KANK1: variants seen among roughly 807,000 people sequenced by gnomAD.
The protein encoded by KANK1 is KN motif and ankyrin repeat domains 1.
In KANK1, 109 loss-of-function variants were observed where a neutral mutation model predicts 106.2. The ratio of observed to expected loss-of-function variants is 1.03; its 90% confidence interval spans 0.88 to 1.20. The LOEUF (loss-of-function observed/expected upper bound fraction) is 1.20. Ranked by LOEUF, KANK1 falls within the 50% of genes most tolerant of loss-of-function variation. The pLI, the probability that KANK1 is intolerant of heterozygous loss-of-function variation, is 0.00. For missense variants in KANK1, 2,399 were observed against 1,710.7 expected (o/e 1.40, Z -7.10); for synonymous variants, 873 against 652.2 (o/e 1.34, Z -5.16).
At chr9:582,719 G>A (rs1369464044) in intron 1 of KANK1, among the ~76,000 whole-genome samples, 1 of 152,178 alleles carries the variant, frequency 6.6e-6, no homozygotes, top group African/African-American at 2.4e-5. Flanking sequence ...AAAATATGCT[G>A]TCTTGAGTAA....
In KANK1 at chr9:577,738, GCCCAGGA is replaced by G. The variant is rs1338868044; in HGVS notation, c.-84+72985_-84+72991del. 5.3e-5 allele frequency among the ~76,000 whole-genome samples: 8 copies of G among 152,300 alleles called. No individual in the cohort carries two copies. In the East Asian group the frequency reaches 1.3e-3, roughly 26 times the overall value. ...TTGAATCAGAAATTCTGAGGGTAGG[GCCCAGGA>G]ATTTATGTTTCAACAAGTCTTGCAG... On this transcript the variant is annotated intron_variant, in intron 1 of 11. Transcript: ENST00000382297.
chr9:529,930 C>A (rs1375790978), intron 1 of KANK1, among the ~76,000 whole-genome samples: 1 of 152,170 alleles, frequency 6.6e-6, no homozygotes, highest in Non-Finnish European at 1.5e-5. Flanking sequence ...TTCTTTATAT[C>A]GTTGCCAGTA....
intron 1 of KANK1, among the ~76,000 whole-genome samples, chr9:504,972 C>G (rs1343649249): frequency 6.6e-6 from 1 of 150,800 alleles, no homozygotes; most frequent in Admixed American, 6.6e-5. Flanking sequence ...GGGGGGGGTC[C>G]GAGAGGTGGC....
chr9:669,465 A>T (rs1313797993), intron 1 of KANK1, among the ~76,000 whole-genome samples: 1 of 152,114 alleles, frequency 6.6e-6, no homozygotes, highest in African/African-American at 2.4e-5. Flanking sequence ...TACTTGAAGG[A>T]TATTTCTGCT....
intron 3 of KANK1, among the ~76,000 whole-genome samples, chr9:483,194 A>G (rs933066128): frequency 2.7e-4 from 41 of 152,182 alleles, no homozygotes; most frequent in African/African-American, 9.7e-4. Flanking sequence ...AACATAGTAT[A>G]TAGAGGGTTC....
At chr9:691,611 AT>A (rs767618077) in intron 2 of KANK1, among the ~76,000 whole-genome samples, 3,116 of 71,062 alleles carry the variant, frequency 0.044, 106 homozygotes, top group African/African-American at 0.13. Context: ...TAATACCAGA[AT>A]TTTTTTTTTT....
At chr9:722,104 C>G (rs1829488709) in intron 3 of KANK1, among the ~76,000 whole-genome samples, 1 of 152,202 alleles carries the variant, frequency 6.6e-6, no homozygotes, top group Admixed American at 6.5e-5. Flanking sequence ...TTGTTCATTC[C>G]TAGGCACAGG....
chr9:528,713 C>T (rs1385967120), intron 1 of KANK1, among the ~76,000 whole-genome samples: 18 of 152,090 alleles, frequency 1.2e-4, no homozygotes, highest in Admixed American at 1.2e-3. Flanking sequence ...GTCTCAAACT[C>T]CTGACCTCAG....
chr9:609,761 A>G (rs1830150544), intron 1 of KANK1, among the ~76,000 whole-genome samples: 2 of 152,330 alleles, frequency 1.3e-5, no homozygotes, highest in Non-Finnish European at 2.9e-5. Flanking sequence ...AAGGAGAAGT[A>G]TCTTAATTTG....
At chr9:689,200 G>A (rs190863010) in intron 2 of KANK1, among the ~76,000 whole-genome samples, 2 of 152,312 alleles carry the variant, frequency 1.3e-5, no homozygotes, top group Admixed American at 6.5e-5. Flanking sequence ...GGGCAATCCA[G>A]ACTGTGAAGA....
chr9:477,875 C>A (rs745829288), intron 3 of KANK1: 3 of 152,682 alleles, frequency 2.0e-5, no homozygotes, highest in Non-Finnish European at 4.4e-5. Flanking sequence ...AAGTTCAACC[C>A]CAATGAGATC....
chr9:529,938 G>C (rs1422693739), intron 1 of KANK1, among the ~76,000 whole-genome samples: 1 of 152,214 alleles, frequency 6.6e-6, no homozygotes, highest in East Asian at 1.9e-4. Context: ...ATCGTTGCCA[G>C]TACAGTATGT....
chr9:568,959 G>C (rs1563784238), intron 1 of KANK1, among the ~76,000 whole-genome samples: 1 of 152,162 alleles, frequency 6.6e-6, no homozygotes, highest in Non-Finnish European at 1.5e-5. Flanking sequence ...GTATATTTGA[G>C]TATGTAGCTC....
intron 3 of KANK1, among the ~76,000 whole-genome samples, chr9:477,431 A>T (rs2058125106): frequency 6.6e-6 from 1 of 152,232 alleles, no homozygotes; most frequent in Non-Finnish European, 1.5e-5. Context: ...CCATTAAAAT[A>T]CCAAGGGTCA....
intron 2 of KANK1, among the ~76,000 whole-genome samples, chr9:678,066 A>T (rs753308997): frequency 1.3e-5 from 2 of 152,188 alleles, no homozygotes; most frequent in African/African-American, 4.8e-5. Flanking sequence ...GTGACTTTTT[A>T]TTCTAGCGGT....
intron 7 of KANK1, chr9:735,762 T>C: frequency 2.3e-6 from 1 of 436,090 alleles, no homozygotes; most frequent in Non-Finnish European, 4.7e-6. Context: ...GGGAGGCCGA[T>C]GCAGGTGGAT....
At chr9:556,892 G>T (rs1323008854) in intron 1 of KANK1, among the ~76,000 whole-genome samples, 1 of 152,188 alleles carries the variant, frequency 6.6e-6, no homozygotes, top group Non-Finnish European at 1.5e-5. Context: ...ATGACATGCA[G>T]TATGGGGACT....
chr9:536,213 C>T (rs1165267183), intron 1 of KANK1, among the ~76,000 whole-genome samples: 4 of 152,168 alleles, frequency 2.6e-5, no homozygotes, highest in South Asian at 2.1e-4. Context: ...TGGTGGCGGG[C>T]ACCTGTAATC....
chr9:613,364 T>C (rs1312290959), intron 1 of KANK1, among the ~76,000 whole-genome samples: 3 of 151,238 alleles, frequency 2.0e-5, no homozygotes, highest in Non-Finnish European at 1.5e-5. Context: ...CAGTCCTTTA[T>C]GACAAGCTTG....
Sources: gnomAD v4.1 joint callset for allele counts (sites outside exome capture counted in the v4.1 genomes callset) on GRCh38, gnomAD v4.1.1 for gene constraint, MANE v1.5 for transcripts, NCBI Gene and HGNC (gene_info 2026-07-23, HGNC 2026-07-21) for gene names.